The following COX7B2 variants were observed in gnomAD, a reference collection of about 807,000 sequenced individuals.
COX7B2 encodes cytochrome c oxidase subunit 7B2.
For missense variants in COX7B2, 109 were observed against 95.9 expected, an observed-to-expected ratio of 1.14 and a Z score of -0.57; for synonymous variants, 37 against 32.1, an observed-to-expected ratio of 1.15 and a Z score of -0.51.
intron 2 of COX7B2, among the ~76,000 whole-genome samples, chr4:46,835,792 C>T (rs544947751): frequency 1.7e-3 from 265 of 152,180 alleles, no homozygotes; most frequent in African/African-American, 5.8e-3. Context: ...ATTTCATCAA[C>T]GTACAAAAAT....
intron 2 of COX7B2, among the ~76,000 whole-genome samples, chr4:46,833,917 T>G (rs1317849810): frequency 2.6e-5 from 4 of 152,094 alleles, no homozygotes; most frequent in African/African-American, 9.7e-5. Context: ...AAGGTAAAGA[T>G]CCAGTTCAAA....
intron 2 of COX7B2, among the ~76,000 whole-genome samples, chr4:46,785,249 T>C (rs183913021): frequency 1.2e-4 from 18 of 152,284 alleles, no homozygotes; most frequent in Admixed American, 8.5e-4. Flanking sequence ...AAGAAAGGTA[T>C]GCCATCAATG....
At chr4:46,886,899 G>A (rs981622121) in intron 1 of COX7B2, among the ~76,000 whole-genome samples, 5 of 152,094 alleles carry the variant, frequency 3.3e-5, no homozygotes, top group African/African-American at 1.2e-4. Context: ...ACCCTTATGT[G>A]TACATGAAGG....
intron 2 of COX7B2, among the ~76,000 whole-genome samples, chr4:46,769,154 A>T (rs1462569073): frequency 1.3e-5 from 2 of 152,090 alleles, no homozygotes; most frequent in African/African-American, 4.8e-5. Context: ...TTAAAAAAGA[A>T]TGTATGTCAA....
intron 2 of COX7B2, among the ~76,000 whole-genome samples, chr4:46,763,309 G>A (rs1016879609): frequency 2.7e-5 from 4 of 147,490 alleles, no homozygotes; most frequent in Non-Finnish European, 4.5e-5. Flanking sequence ...ATAATTTCAT[G>A]TTCTTAGAGG....
At chr4:46,761,178 T>C (rs924480541) in intron 2 of COX7B2, among the ~76,000 whole-genome samples, 5 of 152,128 alleles carry the variant, frequency 3.3e-5, no homozygotes, top group African/African-American at 9.7e-5. Context: ...TTTAAGTGGG[T>C]AGAACAAGCT....
chr4:46,908,097 C>T (rs549393995), intron 1 of COX7B2, among the ~76,000 whole-genome samples: 2 of 151,924 alleles, frequency 1.3e-5, no homozygotes, highest in South Asian at 4.2e-4. Flanking sequence ...GTGATCCTCC[C>T]GCCTCGGCCT....
intron 2 of COX7B2, among the ~76,000 whole-genome samples, chr4:46,804,662 A>C (rs1255412324): frequency 1.3e-5 from 2 of 152,176 alleles, no homozygotes; most frequent in Non-Finnish European, 1.5e-5. Context: ...TGTGTTTACA[A>C]ACCTTGAGCT....
chr4:46,809,054 A>G (rs1433491418), intron 2 of COX7B2, among the ~76,000 whole-genome samples: 1 of 151,464 alleles, frequency 6.6e-6, no homozygotes, highest in Non-Finnish European at 1.5e-5. Context: ...GGTAGGTTGT[A>G]TTTTTCTAGG....
At chr4:46,785,414 C>T (rs989601483) in intron 2 of COX7B2, among the ~76,000 whole-genome samples, 3 of 150,554 alleles carry the variant, frequency 2.0e-5, no homozygotes, top group African/African-American at 7.3e-5. Flanking sequence ...TGCTCTGTCA[C>T]CCAGACTGGA....
At chr4:46,786,387 CTGT>C (rs1577703591) in intron 2 of COX7B2, among the ~76,000 whole-genome samples, 2 of 152,176 alleles carry the variant, frequency 1.3e-5, no homozygotes, top group South Asian at 4.2e-4. Context: ...CTGGTTTTTG[CTGT>C]TGTTGTTGTT....
chr4:46,798,918 G>A (rs1036771591), intron 2 of COX7B2, among the ~76,000 whole-genome samples: 5 of 152,196 alleles, frequency 3.3e-5, no homozygotes, highest in South Asian at 2.1e-4. Flanking sequence ...AAATTACATC[G>A]TCAGATAACT....
chr4:46,749,107 A>C (rs930665666), intron 2 of COX7B2, among the ~76,000 whole-genome samples: 3 of 152,094 alleles, frequency 2.0e-5, no homozygotes, highest in Admixed American at 2.0e-4. Context: ...TTTTGTTTCT[A>C]TATCTAAAGT....
chr4:46,797,092 TAAAAAA>T (rs762801656), intron 2 of COX7B2, among the ~76,000 whole-genome samples: 1 of 62,560 alleles, frequency 1.6e-5, no homozygotes, highest in Non-Finnish European at 2.6e-5. Context: ...TAGAGTATAA[TAAAAAA>T]AAAAAAAAAA....
chr4:46,766,672 G>C (rs1229812907), intron 2 of COX7B2, among the ~76,000 whole-genome samples: 1 of 143,000 alleles, frequency 7.0e-6, no homozygotes, highest in Non-Finnish European at 1.5e-5. Context: ...CTGCACTCCA[G>C]CATGGGTGAC....
In COX7B2 at chr4:46,831,239, C is replaced by T. The variant is rs773123347; in HGVS notation, c.-50+13721G>A. On this transcript the variant is annotated intron_variant, in intron 2 of 2. Transcript: ENST00000355591. ...CAGCAGTGCCGGCCCACCAACGCAG[C>T]GCTTGATTTCTCACCAGGCCTTAGC... Among the ~76,000 whole-genome samples the T allele has an allele frequency of 3.4e-4, 51 of 152,086 alleles. 1 individual carries two copies. The highest frequency in any genetic ancestry group is 1.3e-4 in the Non-Finnish European group (9 of 67,964).
At chr4:46,751,750 T>C (rs970126162) in intron 2 of COX7B2, among the ~76,000 whole-genome samples, 13 of 152,004 alleles carry the variant, frequency 8.6e-5, no homozygotes, top group Non-Finnish European at 1.8e-4. Flanking sequence ...AGGCAAAGAT[T>C]AGAAATTTTC....
At chr4:46,786,833 C>T (rs1347267002) in intron 2 of COX7B2, among the ~76,000 whole-genome samples, 2 of 151,928 alleles carry the variant, frequency 1.3e-5, no homozygotes, top group Admixed American at 1.3e-4. Flanking sequence ...ATAGTTGGTC[C>T]CTAAAGAGGT....
At chr4:46,789,459 A>G (rs1246054004) in intron 2 of COX7B2, among the ~76,000 whole-genome samples, 1 of 152,208 alleles carries the variant, frequency 6.6e-6, no homozygotes, top group Non-Finnish European at 1.5e-5. Flanking sequence ...TAATAAAAAT[A>G]TATTTTTGAG....
Sources: gnomAD v4.1 joint callset for allele counts (sites outside exome capture counted in the v4.1 genomes callset) on GRCh38, gnomAD v4.1.1 for gene constraint, MANE v1.5 for transcripts, NCBI Gene and HGNC (gene_info 2026-07-23, HGNC 2026-07-21) for gene names.